LIN52: variants seen among roughly 807,000 people sequenced by gnomAD.
LIN52 encodes the protein protein lin-52 homolog.
Under a neutral mutation model 18.5 loss-of-function variants are expected in LIN52, and 4 were observed. That is an observed-to-expected ratio of 0.22 (90% CI 0.11 to 0.49). LIN52 has a LOEUF of 0.49. Among genes scored for constraint, LIN52 ranks in the 20% least tolerant of loss-of-function variants. The pLI is 0.97. For synonymous variants in LIN52, 34 were observed against 45.5 expected (o/e 0.75, Z 1.02); for missense variants, 102 against 139.5 (o/e 0.73, Z 1.35).
chr14:74,190,308 A>G (rs987039115), intron 5 of LIN52, among the ~76,000 whole-genome samples: 7 of 150,824 alleles, frequency 4.6e-5, no homozygotes, highest in African/African-American at 1.7e-4. Flanking sequence ...ATAGTCTGTG[A>G]TAGTTTGATC....
intron 5 of LIN52, among the ~76,000 whole-genome samples, chr14:74,168,170 A>G (rs1033866498): frequency 6.6e-6 from 1 of 152,198 alleles, no homozygotes; most frequent in African/African-American, 2.4e-5. Flanking sequence ...TTTCAACTAC[A>G]TGAATTAAGG....
chr14:74,188,424 C>T (rs2061349596), intron 5 of LIN52, among the ~76,000 whole-genome samples: 1 of 151,990 alleles, frequency 6.6e-6, no homozygotes, highest in Admixed American at 6.6e-5. Context: ...TTTATAATTT[C>T]ATGAGGAAGA....
At chr14:74,151,165 G>T (rs1012584720) in intron 5 of LIN52, among the ~76,000 whole-genome samples, 1 of 152,172 alleles carries the variant, frequency 6.6e-6, no homozygotes, top group Non-Finnish European at 1.5e-5. Flanking sequence ...TAGTTAAAAT[G>T]TGGGTGTACT....
chr14:74,097,734 G>A (rs2060824463), intron 3 of LIN52, 60 bp from the exon 4 acceptor site: 2 of 1,263,766 alleles, frequency 1.6e-6, no homozygotes, highest in Admixed American at 3.5e-5. Context: ...CTTCTTATAA[G>A]AATAATAGGG....
chr14:74,094,605 T>C (rs1196487253), intron 2 of LIN52, among the ~76,000 whole-genome samples: 1 of 152,196 alleles, frequency 6.6e-6, no homozygotes, highest in Non-Finnish European at 1.5e-5. Flanking sequence ...TGAATACCCA[T>C]GTACACATAT....
At chr14:74,161,463 C>T (rs751987351) in intron 5 of LIN52, among the ~76,000 whole-genome samples, 4 of 151,972 alleles carry the variant, frequency 2.6e-5, no homozygotes, top group East Asian at 1.9e-4. Context: ...CTGGGATTAC[C>T]GGCGTCAGCC....
At chr14:74,110,582 A>G (rs2060920120) in intron 5 of LIN52, among the ~76,000 whole-genome samples, 1 of 152,114 alleles carries the variant, frequency 6.6e-6, no homozygotes, top group Non-Finnish European at 1.5e-5. Flanking sequence ...AGGCAGGAGA[A>G]TCGCTTGAAC....
intron 5 of LIN52, among the ~76,000 whole-genome samples, chr14:74,130,588 A>ATTTTTT (rs34746271): frequency 1.8e-4 from 13 of 72,990 alleles, no homozygotes; most frequent in East Asian, 4.0e-4. Context: ...TAAATTGGCC[A>ATTTTTT]TTTTTTTTTT....
intron 5 of LIN52, among the ~76,000 whole-genome samples, chr14:74,160,127 G>A (rs1465839760): frequency 6.6e-6 from 1 of 152,176 alleles, no homozygotes; most frequent in East Asian, 1.9e-4. Context: ...TGAGGTCATT[G>A]TGTGGGGCCT....
At chr14:74,177,914 A>C (rs1456034310) in intron 5 of LIN52, among the ~76,000 whole-genome samples, 1 of 152,108 alleles carries the variant, frequency 6.6e-6, no homozygotes, top group Non-Finnish European at 1.5e-5. Context: ...AGTAGCTGGG[A>C]TTACAGGCAC....
intron 5 of LIN52, among the ~76,000 whole-genome samples, chr14:74,181,384 G>T (rs892008650): frequency 2.0e-5 from 3 of 150,018 alleles, no homozygotes; most frequent in African/African-American, 4.9e-5. Flanking sequence ...AGGCTGCAGC[G>T]AGCCATGATC....
chr14:74,174,360 A>G (rs1274551343), intron 5 of LIN52: 1 of 152,224 alleles, frequency 6.6e-6, no homozygotes, highest in Non-Finnish European at 1.5e-5. Context: ...AAACCTGTAC[A>G]GTATGTTACT....
At chr14:74,198,878 G>T in intron 5 of LIN52, 44 bp from the exon 6 acceptor site, 5 of 1,417,142 alleles carry the variant, frequency 3.5e-6, no homozygotes, top group Admixed American at 3.6e-5. Flanking sequence ...TCTTTTTTCC[G>T]ATTTTAGGTT....
At chr14:74,109,551 T>A (rs796752995) in intron 5 of LIN52, among the ~76,000 whole-genome samples, 17 of 152,366 alleles carry the variant, frequency 1.1e-4, no homozygotes, top group African/African-American at 3.8e-4. Flanking sequence ...TCTATCCTTA[T>A]GCCAGTAATT....
At chr14:74,130,396 G>A (rs1289348043) in intron 5 of LIN52, among the ~76,000 whole-genome samples, 2 of 147,754 alleles carry the variant, frequency 1.4e-5, no homozygotes, top group Admixed American at 1.4e-4. Context: ...TCCTGCCTCA[G>A]CCTCCCAAGT....
chr14:74,099,124 C>T (rs1692491118), intron 4 of LIN52, among the ~76,000 whole-genome samples: 1 of 152,020 alleles, frequency 6.6e-6, no homozygotes, highest in African/African-American at 2.4e-5. Flanking sequence ...TTTATTTTAT[C>T]ATCCTTCTGG....
chr14:74,184,458 G>A (rs915825693), intron 5 of LIN52, among the ~76,000 whole-genome samples: 3 of 152,224 alleles, frequency 2.0e-5, no homozygotes, highest in Non-Finnish European at 1.5e-5. Flanking sequence ...GATAGAGCTA[G>A]ATAATGGATT....
At chr14:74,157,365 A>T (rs2061203921) in intron 5 of LIN52, among the ~76,000 whole-genome samples, 1 of 151,940 alleles carries the variant, frequency 6.6e-6, no homozygotes, top group Non-Finnish European at 1.5e-5. Context: ...ATCTGTTGAT[A>T]GACACTTAGG....
chr14:74,188,524 AT>A (rs566354506), intron 5 of LIN52, among the ~76,000 whole-genome samples: 2 of 152,176 alleles, frequency 1.3e-5, no homozygotes, highest in South Asian at 2.1e-4. Context: ...ATTAAAAAAA[AT>A]AAATAATCTC....
Sources: gnomAD v4.1 joint callset for allele counts (sites outside exome capture counted in the v4.1 genomes callset) on GRCh38, gnomAD v4.1.1 for gene constraint, MANE v1.5 for transcripts, NCBI Gene and HGNC (gene_info 2026-07-23, HGNC 2026-07-21) for gene names.